The following COL25A1 variants were observed in gnomAD, a reference collection of about 807,000 sequenced individuals.
COL25A1 encodes collagen type XXV alpha 1 chain.
In COL25A1, 103 loss-of-function variants were observed where a neutral mutation model predicts 128.4. The ratio of observed to expected loss-of-function variants is 0.80; its 90% CI spans 0.68 to 0.94. The LOEUF (loss-of-function observed/expected upper bound fraction) is 0.94. Among genes scored for constraint, COL25A1 ranks in the 40% least tolerant of loss-of-function variants. The pLI is 0.00. For missense variants in COL25A1, 745 were observed against 840.0 expected, an observed-to-expected ratio of 0.89 and a Z score of 1.40; for synonymous variants, 279 against 277.2, an observed-to-expected ratio of 1.01 and a Z score of -0.06.
At chr4:109,244,925 T>C (rs914724197) in intron 3 of COL25A1, among the ~76,000 whole-genome samples, 5 of 152,162 alleles carry the variant, frequency 3.3e-5, no homozygotes, top group African/African-American at 1.2e-4. Context: ...TATATTTTTA[T>C]AATCTCTATT....
At chr4:108,973,195 G>T (rs1040971846) in intron 8 of COL25A1, among the ~76,000 whole-genome samples, 1 of 152,242 alleles carries the variant, frequency 6.6e-6, no homozygotes, top group South Asian at 2.1e-4. Flanking sequence ...ATCACTTAAG[G>T]TTATGAGAGT....
intron 3 of COL25A1, among the ~76,000 whole-genome samples, chr4:109,116,007 G>A (rs3113727): frequency 0.26 from 39,555 of 151,876 alleles, 5,841 homozygotes; most frequent in African/African-American, 0.4. Flanking sequence ...CAAAAACTGG[G>A]GAGACAGACA....
intron 3 of COL25A1, among the ~76,000 whole-genome samples, chr4:109,088,947 C>T (rs1363356208): frequency 1.3e-5 from 2 of 152,150 alleles, no homozygotes; most frequent in East Asian, 1.9e-4. Flanking sequence ...AAATCAACCA[C>T]GTACAGCAAA....
At chr4:109,198,605 A>G (rs1382873439) in intron 3 of COL25A1, among the ~76,000 whole-genome samples, 1 of 152,172 alleles carries the variant, frequency 6.6e-6, no homozygotes, top group Non-Finnish European at 1.5e-5. Context: ...AACAGCAATA[A>G]CACCCTGATT....
intron 3 of COL25A1, among the ~76,000 whole-genome samples, chr4:109,250,906 T>C (rs1780602101): frequency 6.6e-6 from 1 of 152,170 alleles, no homozygotes; most frequent in Non-Finnish European, 1.5e-5. Flanking sequence ...TTAAAGACAA[T>C]AACAAGGTTA....
chr4:109,041,632 A>C (rs1759907475), intron 5 of COL25A1, among the ~76,000 whole-genome samples: 1 of 152,056 alleles, frequency 6.6e-6, no homozygotes, highest in Admixed American at 6.6e-5. Flanking sequence ...CCACAGCTAC[A>C]TTTCTCTCCC....
At chr4:109,132,595 G>A (rs950508636) in intron 3 of COL25A1, among the ~76,000 whole-genome samples, 1 of 152,078 alleles carries the variant, frequency 6.6e-6, no homozygotes, top group African/African-American at 2.4e-5. Flanking sequence ...ATCAATTTAA[G>A]TAAAAGGAGA....
chr4:109,148,154 G>A (rs974733123), intron 3 of COL25A1, among the ~76,000 whole-genome samples: 2 of 152,122 alleles, frequency 1.3e-5, no homozygotes, highest in Non-Finnish European at 2.9e-5. Context: ...TTTTTGTTCA[G>A]TGAGAATGTT....
chr4:109,164,978 T>C (rs1022951029), intron 3 of COL25A1, among the ~76,000 whole-genome samples: 6 of 152,176 alleles, frequency 3.9e-5, no homozygotes, highest in African/African-American at 1.4e-4. Flanking sequence ...ATTCTGTGGT[T>C]TTAGACTCCA....
intron 3 of COL25A1, among the ~76,000 whole-genome samples, chr4:109,181,947 G>C (rs1158729683): frequency 6.6e-6 from 1 of 151,910 alleles, no homozygotes; most frequent in Non-Finnish European, 1.5e-5. Flanking sequence ...GAGATCACAA[G>C]GTATTTGTCT....
chr4:108,855,507 C>A (rs1340159337), intron 24 of COL25A1, among the ~76,000 whole-genome samples: 1 of 151,930 alleles, frequency 6.6e-6, no homozygotes, highest in Non-Finnish European at 1.5e-5. Flanking sequence ...AAAACAGGAT[C>A]ATAAAGCCCT....
At chr4:108,891,209 G>GA (rs573429554) in intron 16 of COL25A1, among the ~76,000 whole-genome samples, 1 of 151,974 alleles carries the variant, frequency 6.6e-6, no homozygotes. Flanking sequence ...CAGGAAGGGG[G>GA]AAAAAAACGC....
chr4:109,164,838 T>C (rs897425999), intron 3 of COL25A1, among the ~76,000 whole-genome samples: 6 of 152,228 alleles, frequency 3.9e-5, no homozygotes, highest in African/African-American at 1.4e-4. Context: ...CAGCCCAGTC[T>C]ATCTGAATAA....
intron 3 of COL25A1, among the ~76,000 whole-genome samples, chr4:109,173,184 C>T (rs1326979708): frequency 6.6e-6 from 1 of 152,010 alleles, no homozygotes; most frequent in African/African-American, 2.4e-5. Context: ...CTCCTGGGCT[C>T]ACGTGATCCT....
chr4:108,863,686 T>C (rs1353812671), intron 20 of COL25A1, among the ~76,000 whole-genome samples: 1 of 152,192 alleles, frequency 6.6e-6, no homozygotes, highest in Non-Finnish European at 1.5e-5. Flanking sequence ...GGTGAGTCTG[T>C]TGACTGAGTA....
chr4:108,861,661 G>C (rs1293972139), intron 22 of COL25A1, among the ~76,000 whole-genome samples: 2 of 152,176 alleles, frequency 1.3e-5, no homozygotes, highest in Non-Finnish European at 2.9e-5. Flanking sequence ...CTCAACTGTA[G>C]AGCAGCAGGA....
chr4:109,002,252 T>C (rs1579046031), intron 6 of COL25A1, among the ~76,000 whole-genome samples: 1 of 152,210 alleles, frequency 6.6e-6, no homozygotes. Flanking sequence ...TGAAGAGATA[T>C]CTGCATGCAC....
In COL25A1 at chr4:109,301,712, G is replaced by A; in HGVS notation, c.297+11C>T. 6.2e-7 allele frequency: 1 copy of A among 1,608,324 alleles called. No individual in the cohort carries two copies. The highest frequency in any genetic ancestry group is 8.5e-7 in the Non-Finnish European group (1 of 1,176,092). On this transcript the variant is annotated intron_variant, in intron 2 of 37. Coordinates refer to ENST00000399132, the MANE Select transcript of COL25A1 (RefSeq NM_198721.4). ...TGTTACCCACGTGCAAAATACCCCA[G>A]CCTCTCACACCTGAGCCAGAAGTCG...
intron 8 of COL25A1, among the ~76,000 whole-genome samples, chr4:108,951,967 G>C (rs988875655): frequency 6.6e-6 from 1 of 152,284 alleles, no homozygotes; most frequent in East Asian, 1.9e-4. Context: ...TTTAAGAAGG[G>C]ATTGTGAGCC....
Sources: allele counts gnomAD v4.1 joint callset (sites outside exome capture counted in the v4.1 genomes callset), GRCh38; gene constraint gnomAD v4.1.1; transcripts MANE v1.5; gene names NCBI Gene and HGNC (gene_info 2026-07-23, HGNC 2026-07-21).